Variants in RABGAP1L observed in about 807,000 individuals in gnomAD.
RABGAP1L encodes the protein rab GTPase-activating protein 1-like.
In RABGAP1L, 63 loss-of-function variants were observed where a neutral mutation model predicts 137.7. That is an observed-to-expected ratio of 0.46 (90% CI 0.37 to 0.56). The LOEUF is 0.56. Ranked by LOEUF, RABGAP1L falls within the 20% of genes least tolerant of loss-of-function variation. RABGAP1L has a pLI of 0.00. For missense variants in RABGAP1L, 1,095 were observed against 1,244.0 expected, an observed-to-expected ratio of 0.88 and a Z score of 1.80; for synonymous variants, 431 against 433.7, an observed-to-expected ratio of 0.99 and a Z score of 0.08.
At chr1:174,479,336 T>G (rs1658835159) in intron 13 of RABGAP1L, among the ~76,000 whole-genome samples, 1 of 152,180 alleles carries the variant, frequency 6.6e-6, no homozygotes, top group African/African-American at 2.4e-5. Flanking sequence ...TTCTCAAACT[T>G]TAGCATGCAT....
chr1:174,510,804 G>C (rs970586366), intron 13 of RABGAP1L, among the ~76,000 whole-genome samples: 1 of 152,112 alleles, frequency 6.6e-6, no homozygotes, highest in African/African-American at 2.4e-5. Flanking sequence ...AATTTAATAA[G>C]AGAGTCATGT....
chr1:174,176,339 A>G (rs1409553969), intron 1 of RABGAP1L, among the ~76,000 whole-genome samples: 3 of 152,144 alleles, frequency 2.0e-5, no homozygotes, highest in Non-Finnish European at 4.4e-5. Flanking sequence ...GTGTAATTTT[A>G]TAACTCGTCA....
chr1:174,904,496 C>G (rs143555713), intron 19 of RABGAP1L, among the ~76,000 whole-genome samples: 257 of 152,258 alleles, frequency 1.7e-3, no homozygotes, highest in African/African-American at 5.8e-3. Flanking sequence ...AGGAATATTC[C>G]CCCAAGGACA....
At chr1:174,473,193 A>G (rs2149312365) in intron 13 of RABGAP1L, among the ~76,000 whole-genome samples, 1 of 152,326 alleles carries the variant, frequency 6.6e-6, no homozygotes, top group Non-Finnish European at 1.5e-5. Context: ...AGTAAGAGTT[A>G]TATACACAGT....
chr1:174,994,567 A>ATAAC lies in RABGAP1L; in HGVS notation c.*4568_*4571dup, dbSNP rs1386200649. Reference sequence around the variant, plus strand: ...TGTAAAATCTTTTCCATTAAACTGTATAACTTTTAATAACTATATATTATA... The same window carrying ATAAC: ...TGTAAAATCTTTTCCATTAAACTGTATAACTAACTTTTAATAACTATATATTATA... On this transcript the variant is annotated 3_prime_UTR_variant, in exon 26 of 26. Coordinates refer to ENST00000681986, the MANE Select transcript of RABGAP1L (RefSeq NM_001366446.1). The ATAAC allele has an allele frequency of 6.6e-6, 1 of 152,226 alleles. No homozygotes were observed. Among genetic ancestry groups the ATAAC allele is most frequent in the African/African-American group, 2.4e-5 (1 of 41,454 alleles). 9.4% of individuals were successfully genotyped at this position (152,226 alleles called of 1,614,324 possible).
At chr1:174,701,023 C>T in intron 16 of RABGAP1L, 2 of 1,285,070 alleles carry the variant, frequency 1.6e-6, no homozygotes, top group African/African-American at 1.5e-5. Context: ...ACCTAATGGG[C>T]ACATTTGGCT....
intron 17 of RABGAP1L, among the ~76,000 whole-genome samples, chr1:174,707,380 G>T (rs1477118865): frequency 6.6e-6 from 1 of 152,162 alleles, no homozygotes; most frequent in African/African-American, 2.4e-5. Context: ...CTAAGAACTG[G>T]ACCTAAAAGC....
At chr1:174,280,428 T>G (rs1675417184) in intron 10 of RABGAP1L, among the ~76,000 whole-genome samples, 1 of 152,242 alleles carries the variant, frequency 6.6e-6, no homozygotes, top group Non-Finnish European at 1.5e-5. Context: ...TTTCTTTCAT[T>G]CTGAGAGTGT....
intron 13 of RABGAP1L, among the ~76,000 whole-genome samples, chr1:174,422,977 A>G (rs1270696731): frequency 1.3e-5 from 2 of 150,560 alleles, no homozygotes; most frequent in African/African-American, 4.9e-5. Context: ...ATTTTTTTTG[A>G]ACCATTATAG....
intron 13 of RABGAP1L, among the ~76,000 whole-genome samples, chr1:174,616,223 C>T (rs550469791): frequency 2.0e-5 from 3 of 152,268 alleles, no homozygotes; most frequent in Non-Finnish European, 2.9e-5. Context: ...ATTTTGGGTG[C>T]CCCCCGTTGG....
rs371488580 is a variant in RABGAP1L at position 174,688,810 on chromosome 1, A to G, written c.1899+5214A>G. On this transcript the variant is annotated intron_variant, in intron 15 of 25. Coordinates refer to ENST00000681986, the MANE Select transcript of RABGAP1L (RefSeq NM_001366446.1). ...TATAAATGAATCATATAAACATAAGATTTAGTTTAAAAAAAGCAAAGTACA... is the reference window on the plus strand; with the variant it reads ...TATAAATGAATCATATAAACATAAGGTTTAGTTTAAAAAAAGCAAAGTACA... Among the ~76,000 whole-genome samples the G allele has an allele frequency of 4.6e-5, 7 of 152,254 alleles. No individual in the cohort carries two copies. In the East Asian group the frequency reaches 9.6e-4, roughly 21 times the overall value.
intron 13 of RABGAP1L, among the ~76,000 whole-genome samples, chr1:174,510,063 C>G (rs866412592): frequency 6.6e-6 from 1 of 152,170 alleles, no homozygotes; most frequent in Non-Finnish European, 1.5e-5. Context: ...TTCTTAAGAA[C>G]TGGACTGGTA....
intron 1 of RABGAP1L, chr1:174,159,965 T>G (rs1664294969): frequency 6.6e-6 from 1 of 152,386 alleles, no homozygotes; most frequent in African/African-American, 2.4e-5. Context: ...AGCTGTGCCC[T>G]CCTGACATTG....
intron 11 of RABGAP1L, among the ~76,000 whole-genome samples, chr1:174,335,264 A>G (rs1681380988): frequency 6.6e-6 from 1 of 152,226 alleles, no homozygotes; most frequent in Non-Finnish European, 1.5e-5. Context: ...GCTGTGGGGA[A>G]TTAGAGTATT....
chr1:174,553,635 A>G (rs1034036661), intron 13 of RABGAP1L, among the ~76,000 whole-genome samples: 10 of 152,214 alleles, frequency 6.6e-5, no homozygotes, highest in Admixed American at 5.2e-4. Context: ...AAAACTATAG[A>G]CCATTATTTC....
At chr1:174,185,031 C>T (rs1666696626) in intron 1 of RABGAP1L, among the ~76,000 whole-genome samples, 1 of 152,136 alleles carries the variant, frequency 6.6e-6, no homozygotes, top group African/African-American at 2.4e-5. Flanking sequence ...GCAACCCTTC[C>T]CTGCCTAACT....
At chr1:174,393,442 C>T (rs1237220313) in intron 12 of RABGAP1L, among the ~76,000 whole-genome samples, 9 of 152,160 alleles carry the variant, frequency 5.9e-5, no homozygotes, top group Non-Finnish European at 1.2e-4. Context: ...AGGATGTGGC[C>T]GCCAGGTAAA....
chr1:174,877,358 C>A, intron 19 of RABGAP1L: 10 of 1,031,314 alleles, frequency 9.7e-6, no homozygotes, highest in African/African-American at 3.3e-5. Context: ...TTCTTTCTTT[C>A]TGGATTTTTG....
intron 13 of RABGAP1L, among the ~76,000 whole-genome samples, chr1:174,595,879 C>G (rs935406364): frequency 5.6e-5 from 6 of 106,820 alleles, no homozygotes; most frequent in African/African-American, 3.1e-4. Flanking sequence ...GTGGTGGGCT[C>G]CACCCAGTTC....
Sources: gnomAD v4.1 joint callset for allele counts (sites outside exome capture counted in the v4.1 genomes callset) on GRCh38, gnomAD v4.1.1 for gene constraint, MANE v1.5 for transcripts, NCBI Gene and HGNC (gene_info 2026-07-23, HGNC 2026-07-21) for gene names.